The following RSRC1 variants were observed in gnomAD, a reference collection of about 807,000 sequenced individuals.
RSRC1 encodes the protein arginine and serine rich coiled-coil 1, also known as serine/Arginine-related protein 53.
RSRC1 carries 39 observed loss-of-function variants against 49.1 expected under a neutral mutation model. That is an observed-to-expected ratio of 0.79 (90% CI 0.61 to 1.04). The LOEUF is 1.04. RSRC1 is among the 50% of genes least tolerant of loss of function. The pLI is 0.00. For synonymous variants in RSRC1, 143 were observed against 130.8 expected (o/e 1.09, Z -0.63); for missense variants, 388 against 402.4 (o/e 0.96, Z 0.31).
chr3:158,335,594 A>G (rs1729838619), intron 5 of RSRC1, among the ~76,000 whole-genome samples: 1 of 152,220 alleles, frequency 6.6e-6, no homozygotes, highest in Non-Finnish European at 1.5e-5. Context: ...TAGCAGCTGT[A>G]TATGCAATGG....
At chr3:158,236,660 T>C (rs1723264213) in intron 4 of RSRC1, among the ~76,000 whole-genome samples, 1 of 152,228 alleles carries the variant, frequency 6.6e-6, no homozygotes, top group African/African-American at 2.4e-5. Flanking sequence ...TTCCTTTTAT[T>C]GATGAGTAGT....
rs181447031 is a variant in RSRC1, at chr3:158,281,035, A to G, written c.495-17004A>G. Among the ~76,000 whole-genome samples the G allele has an allele frequency of 1.6e-4, 25 of 152,308 alleles. No homozygotes were observed. The East Asian group carries it at 4.4e-3, about 27-fold the overall frequency. On this transcript the variant is annotated intron_variant, in intron 4 of 9. Transcript: ENST00000611884. Reference sequence around the variant, plus strand: ...AACGGCAGAAGTGGTTAAAATAGCTATGACAGAATTAAGAAAGACTAGGAT... The same window carrying G: ...AACGGCAGAAGTGGTTAAAATAGCTGTGACAGAATTAAGAAAGACTAGGAT...
intron 3 of RSRC1, among the ~76,000 whole-genome samples, chr3:158,157,608 T>C (rs1717954548): frequency 6.6e-6 from 1 of 152,184 alleles, no homozygotes; most frequent in African/African-American, 2.4e-5. Context: ...TCATAACTGC[T>C]CTGTAGATTG....
At chr3:158,113,618 C>T (rs1222815343) in intron 1 of RSRC1, among the ~76,000 whole-genome samples, 2 of 152,120 alleles carry the variant, frequency 1.3e-5, no homozygotes, top group Non-Finnish European at 2.9e-5. Flanking sequence ...CCACCCCCCT[C>T]AGCCTCCCAA....
At chr3:158,487,197 T>A (rs1007764416) in intron 7 of RSRC1, among the ~76,000 whole-genome samples, 4 of 152,184 alleles carry the variant, frequency 2.6e-5, no homozygotes, top group Admixed American at 1.3e-4. Context: ...ATTACAAACA[T>A]GATTTACCAC....
intron 3 of RSRC1, among the ~76,000 whole-genome samples, chr3:158,167,401 G>A (rs1363096185): frequency 6.6e-6 from 1 of 152,130 alleles, no homozygotes; most frequent in East Asian, 1.9e-4. Flanking sequence ...ATGTTGCCTA[G>A]GCTGGTCTCA....
chr3:158,516,013 A>G (rs1021231849), intron 7 of RSRC1, among the ~76,000 whole-genome samples: 1 of 151,744 alleles, frequency 6.6e-6, no homozygotes, highest in Non-Finnish European at 1.5e-5. Flanking sequence ...AATTTTTTTC[A>G]AAGTTTTCAA....
At chr3:158,157,550 G>A (rs571729696) in intron 3 of RSRC1, among the ~76,000 whole-genome samples, 3 of 152,254 alleles carry the variant, frequency 2.0e-5, no homozygotes, top group Admixed American at 6.5e-5. Context: ...GAACTGGATT[G>A]GATCAGAATA....
chr3:158,280,695 G>A (rs1023214042), intron 4 of RSRC1, among the ~76,000 whole-genome samples: 1 of 138,532 alleles, frequency 7.2e-6, no homozygotes, highest in African/African-American at 2.7e-5. Context: ...TTCCCAGGCT[G>A]GAGTGCAGTG....
chr3:158,532,024 AT>A (rs890549518), intron 7 of RSRC1, among the ~76,000 whole-genome samples: 5 of 151,770 alleles, frequency 3.3e-5, no homozygotes, highest in Admixed American at 6.6e-5. Context: ...ATAAGAAGGA[AT>A]TTTTTTAATG....
At chr3:158,339,615 A>G (rs556096639) in intron 5 of RSRC1, among the ~76,000 whole-genome samples, 1 of 152,318 alleles carries the variant, frequency 6.6e-6, no homozygotes, top group East Asian at 1.9e-4. Context: ...ATTTCAGTGA[A>G]ATTGATAATT....
intron 7 of RSRC1, among the ~76,000 whole-genome samples, chr3:158,489,694 A>T (rs1738985465): frequency 6.6e-6 from 1 of 152,136 alleles, no homozygotes; most frequent in Admixed American, 6.5e-5. Context: ...TTGTTGGTTG[A>T]GTTATTAACC....
chr3:158,400,382 T>C (rs1223841120), intron 6 of RSRC1, among the ~76,000 whole-genome samples: 1 of 152,110 alleles, frequency 6.6e-6, no homozygotes, highest in Non-Finnish European at 1.5e-5. Context: ...TACTGTATCA[T>C]ATTTTTATTA....
intron 4 of RSRC1, among the ~76,000 whole-genome samples, chr3:158,283,627 A>G (rs1726312086): frequency 6.6e-6 from 1 of 152,096 alleles, no homozygotes; most frequent in Non-Finnish European, 1.5e-5. Context: ...ACAGTTTGCC[A>G]TTATTGGGCA....
Position 158,122,172 on chromosome 3 carries a change from G to T in RSRC1, c.68G>T (p.Arg23Leu), listed in dbSNP as rs747602206. The change falls in exon 2 of 10, where the codon CGG becomes CTG. Residue 23 changes from arginine (R) to leucine (L), a missense_variant. Coordinates refer to ENST00000611884, the MANE Select transcript of RSRC1 (RefSeq NM_001271838.2). ...RSKRKKKHRR[R>L]SSSSSSSDSR... ...AAGAGAAAAAAGAAACACCGTAGACGGTCCTCCTCGAGCAGTTCTTCAGAT... is the reference window on the plus strand; with the variant it reads ...AAGAGAAAAAAGAAACACCGTAGACTGTCCTCCTCGAGCAGTTCTTCAGAT... The T allele has an allele frequency of 1.3e-6, 2 of 1,598,130 alleles. No homozygotes were observed. The highest frequency in any genetic ancestry group is 2.3e-5 in the East Asian group (1 of 43,480).
At chr3:158,222,250 C>T (rs1452850023) in intron 4 of RSRC1, among the ~76,000 whole-genome samples, 1 of 151,466 alleles carries the variant, frequency 6.6e-6, no homozygotes, top group Non-Finnish European at 1.5e-5. Context: ...ATTTTTTTCA[C>T]ATGTAACCAT....
chr3:158,412,476 A>T (rs566605012), intron 6 of RSRC1, among the ~76,000 whole-genome samples: 4 of 152,016 alleles, frequency 2.6e-5, no homozygotes, highest in Non-Finnish European at 5.9e-5. Context: ...CTTCCATCAG[A>T]CTGTGTTAGA....
Position 158,539,741 on chromosome 3 carries a change from A to G in RSRC1, c.759+2543A>G, listed in dbSNP as rs1016503143. Among the ~76,000 whole-genome samples the G allele has an allele frequency of 6.6e-6, 1 of 152,166 alleles. No homozygotes were observed. Among genetic ancestry groups the G allele is most frequent in the African/African-American group, 2.4e-5 (1 of 41,448 alleles). On this transcript the variant is annotated intron_variant, in intron 8 of 9. Transcript: ENST00000611884. This position sits in a 1 kb window ranked among gnomAD's most constrained non-coding sequence, Gnocchi z 4.1. ...AAAGAAGCAATTAGTGGTTCTCTCT[A>G]CAAATTTTTAATTGCCCGTTATTAA...
intron 5 of RSRC1, among the ~76,000 whole-genome samples, chr3:158,307,984 C>T (rs1438353352): frequency 1.3e-5 from 2 of 151,836 alleles, no homozygotes; most frequent in Non-Finnish European, 2.9e-5. Context: ...CTGAGAACCA[C>T]AGACATTTTT....
Sources: allele counts gnomAD v4.1 joint callset (sites outside exome capture counted in the v4.1 genomes callset), GRCh38; gene constraint gnomAD v4.1.1; non-coding constraint Gnocchi (gnomAD v3.1); transcripts MANE v1.5; gene names NCBI Gene and HGNC (gene_info 2026-07-23, HGNC 2026-07-21).